The following SGCZ variants were observed in gnomAD, a reference collection of about 807,000 sequenced individuals.
SGCZ encodes zeta-sarcoglycan.
A neutral mutation model predicts 41.3 loss-of-function variants in SGCZ; 40 were observed. The ratio of observed to expected loss-of-function variants is 0.97; its 90% CI spans 0.75 to 1.26. The LOEUF (loss-of-function observed/expected upper bound fraction) is 1.26. SGCZ is among the 50% of genes most tolerant of loss of function. The pLI is 0.00. For synonymous variants in SGCZ, 206 were observed against 137.5 expected (o/e 1.50, Z -3.49); for missense variants, 552 against 369.8 (o/e 1.49, Z -4.04).
At chr8:14,569,123 C>G (rs907096890) in intron 1 of SGCZ, among the ~76,000 whole-genome samples, 2 of 152,074 alleles carry the variant, frequency 1.3e-5, no homozygotes, top group South Asian at 2.1e-4. Context: ...ATGTCTGAAT[C>G]AATACTACTG....
At chr8:14,475,040 C>T (rs1442382154) in intron 2 of SGCZ, among the ~76,000 whole-genome samples, 1 of 152,056 alleles carries the variant, frequency 6.6e-6, no homozygotes, top group African/African-American at 2.4e-5. Flanking sequence ...GTGGACTTAT[C>T]CAATGAGTTA....
intron 1 of SGCZ, among the ~76,000 whole-genome samples, chr8:14,781,708 T>C (rs1800593472): frequency 6.6e-6 from 1 of 152,172 alleles, no homozygotes; most frequent in Non-Finnish European, 1.5e-5. Context: ...ATCTCATAAA[T>C]TGAAAATATC....
Position 14,778,946 on chromosome 8 carries a change from T to G in SGCZ, c.40-224020A>C, listed in dbSNP as rs184554458. Among the ~76,000 whole-genome samples the G allele has an allele frequency of 3.0e-4, 46 of 152,340 alleles. 1 individual carries two copies. In the East Asian group the frequency reaches 6.4e-3, roughly 21 times the overall value. ...TAACATTAAATAGTCTCACACTCCA[T>G]GACCTAGCATCACATTCCTAGACAT... On this transcript the variant is annotated intron_variant, in intron 1 of 7. Transcript: ENST00000382080.
chr8:15,090,921 T>C (rs1255335237), intron 1 of SGCZ, among the ~76,000 whole-genome samples: 4 of 152,194 alleles, frequency 2.6e-5, no homozygotes, highest in Non-Finnish European at 2.9e-5. Flanking sequence ...TCTTTCTTTA[T>C]TGAGGGTGAC....
At chr8:14,950,593 T>G (rs2130834950) in intron 1 of SGCZ, among the ~76,000 whole-genome samples, 1 of 152,122 alleles carries the variant, frequency 6.6e-6, no homozygotes, top group Admixed American at 6.6e-5. Context: ...TGTTTTCAAC[T>G]TGGTAAGAGA....
intron 1 of SGCZ, among the ~76,000 whole-genome samples, chr8:14,604,858 G>A (rs2117322359): frequency 6.6e-6 from 1 of 152,280 alleles, no homozygotes; most frequent in Admixed American, 6.5e-5. Context: ...ATTGGAATAA[G>A]AAGACTTACT....
intron 3 of SGCZ, among the ~76,000 whole-genome samples, chr8:14,290,362 C>A (rs912942006): frequency 7.9e-5 from 12 of 152,018 alleles, no homozygotes; most frequent in African/African-American, 2.9e-4. Context: ...TAAAAAGCTT[C>A]TGCACAGCAA....
intron 2 of SGCZ, among the ~76,000 whole-genome samples, chr8:14,489,300 C>T (rs928591019): frequency 1.4e-4 from 22 of 152,004 alleles, no homozygotes; most frequent in African/African-American, 4.6e-4. Flanking sequence ...TACAATTTGG[C>T]ATATTTCTTT....
chr8:14,760,950 G>T (rs778688394), intron 1 of SGCZ, among the ~76,000 whole-genome samples: 9 of 152,300 alleles, frequency 5.9e-5, no homozygotes, highest in Admixed American at 2.0e-4. Context: ...GTGAATGTGG[G>T]TTCAAAGTTT....
intron 4 of SGCZ, among the ~76,000 whole-genome samples, chr8:14,181,829 T>C (rs546258395): frequency 6.6e-6 from 1 of 152,160 alleles, no homozygotes; most frequent in South Asian, 2.1e-4. Context: ...CAGCCTTGGG[T>C]ATGTCTTTCT....
chr8:14,282,224 G>C (rs552992896), intron 3 of SGCZ, among the ~76,000 whole-genome samples: 3 of 151,912 alleles, frequency 2.0e-5, no homozygotes, highest in East Asian at 1.9e-4. Flanking sequence ...TAAGAATACT[G>C]ATCCGCCTGT....
intron 1 of SGCZ, among the ~76,000 whole-genome samples, chr8:14,589,382 C>T (rs1002998642): frequency 6.6e-6 from 1 of 151,378 alleles, no homozygotes; most frequent in East Asian, 1.9e-4. Flanking sequence ...TAATATATAA[C>T]CTACTGAGTT....
At chr8:14,381,908 T>C (rs1366856383) in intron 2 of SGCZ, among the ~76,000 whole-genome samples, 1 of 152,216 alleles carries the variant, frequency 6.6e-6, no homozygotes, top group Non-Finnish European at 1.5e-5. Context: ...ATTTTTCTGC[T>C]ATGATTTTTA....
intron 4 of SGCZ, among the ~76,000 whole-genome samples, chr8:14,235,666 G>C (rs1806730255): frequency 1.3e-5 from 2 of 152,020 alleles, no homozygotes; most frequent in South Asian, 4.2e-4. Context: ...AGTGGGCATG[G>C]GTATATATTC....
intron 1 of SGCZ, among the ~76,000 whole-genome samples, chr8:15,088,129 G>C (rs1281961250): frequency 1.3e-5 from 2 of 152,044 alleles, no homozygotes. Flanking sequence ...TTCATAGGCA[G>C]TGCAATATGC....
intron 1 of SGCZ, among the ~76,000 whole-genome samples, chr8:14,726,995 A>G (rs1015445681): frequency 7.9e-5 from 12 of 152,192 alleles, no homozygotes; most frequent in Non-Finnish European, 1.5e-4. Context: ...TTGTTCATCA[A>G]AAGACACCAC....
chr8:15,006,505 G>T (rs947371989), intron 1 of SGCZ, among the ~76,000 whole-genome samples: 13 of 152,278 alleles, frequency 8.5e-5, no homozygotes, highest in Middle Eastern at 3.4e-3. Flanking sequence ...ATTTACTGAT[G>T]TTAAGGGAAA....
At chr8:14,612,397 C>T (rs1158621001) in intron 1 of SGCZ, among the ~76,000 whole-genome samples, 4 of 152,150 alleles carry the variant, frequency 2.6e-5, no homozygotes, top group Admixed American at 1.3e-4. Context: ...TCACCTTCTG[C>T]CGTGATTGTA....
chr8:15,156,633 T>C (rs1585621813), intron 1 of SGCZ, among the ~76,000 whole-genome samples: 1 of 152,202 alleles, frequency 6.6e-6, no homozygotes. Flanking sequence ...ATCTTTGCAA[T>C]ACATACCAAT....
Sources: gnomAD v4.1 joint callset for allele counts (sites outside exome capture counted in the v4.1 genomes callset) on GRCh38, gnomAD v4.1.1 for gene constraint, MANE v1.5 for transcripts, NCBI Gene and HGNC (gene_info 2026-07-23, HGNC 2026-07-21) for gene names.